Variants in DPP4 observed in about 807,000 individuals in gnomAD.
DPP4 encodes ADCP-2.
A neutral mutation model predicts 122.4 loss-of-function variants in DPP4; 93 were observed. The observed-to-expected ratio is 0.76, with a 90% CI of 0.64 to 0.90. The LOEUF is 0.90. DPP4 is among the 40% of genes least tolerant of loss of function. The pLI, the probability that DPP4 is intolerant of heterozygous loss-of-function variation, is 0.00. For synonymous variants in DPP4, 321 were observed against 302.9 expected, an observed-to-expected ratio of 1.06 and a Z score of -0.62; for missense variants, 914 against 907.3, an observed-to-expected ratio of 1.01 and a Z score of -0.09.
chr2:162,016,743 A>G (rs1682940849), intron 18 of DPP4, 25 bp downstream of exon 18: 3 of 1,543,298 alleles, frequency 1.9e-6, no homozygotes, highest in African/African-American at 1.4e-5. Context: ...CATGAAAAGT[A>G]CTATTCCAAA....
chr2:162,008,925 G>T, intron 21 of DPP4, among the ~76,000 whole-genome samples: 1 of 152,092 alleles, frequency 6.6e-6, no homozygotes, highest in East Asian at 1.9e-4. Flanking sequence ...ACCAATTATA[G>T]AAGATTTAAA....
chr2:162,073,456 C>G lies in DPP4; in HGVS notation c.37G>C (p.Gly13Arg). The part of the protein sequence containing the change: ...TPWKVLLGLL[G>R]AAALVTIITV... ...ATGATGGTGACAAGCGCAGCAGCACCCAGCAGTCCCAGAAGAACCTTCCAC... is the reference window on the plus strand; with the variant it reads ...ATGATGGTGACAAGCGCAGCAGCACGCAGCAGTCCCAGAAGAACCTTCCAC... The change falls in exon 2 of 26, where the codon GGT becomes CGT. Residue 13 changes from glycine to arginine, a missense_variant. Transcript: ENST00000360534. The G allele has an allele frequency of 6.2e-7, 1 of 1,614,082 alleles. No individual in the cohort carries two copies. The highest frequency in any genetic ancestry group is 8.5e-7 in the Non-Finnish European group (1 of 1,180,020).
intron 2 of DPP4, among the ~76,000 whole-genome samples, chr2:162,059,498 T>C (rs975437244): frequency 1.3e-5 from 2 of 152,220 alleles, no homozygotes; most frequent in African/African-American, 4.8e-5. Flanking sequence ...CTAGTTTCTC[T>C]TCACATATAC....
chr2:162,056,172 C>G (rs950047497), intron 2 of DPP4, among the ~76,000 whole-genome samples: 12 of 152,200 alleles, frequency 7.9e-5, no homozygotes, highest in African/African-American at 2.9e-4. Context: ...TTTCCCTTAG[C>G]AATGATACCA....
At position 162,020,629 on chromosome 2, in the gene DPP4, G is replaced by A. The variant is rs199672034; in HGVS notation, c.1128C>T (p.Ser376=). ...LDGNSFYKII[S]NEEGYRHICY... Reference sequence around the variant, plus strand: ...AAATGTGTCTGTAACCTTCTTCATTGCTGATGATCTTGTAGAAGCTATTAC... The same window carrying A: ...AAATGTGTCTGTAACCTTCTTCATTACTGATGATCTTGTAGAAGCTATTAC... Residue 376 remains serine (S), a synonymous_variant, in exon 13 of 26, where the codon AGC becomes AGT. Coordinates refer to ENST00000360534, the MANE Select transcript of DPP4 (RefSeq NM_001935.4). 8.7e-5 allele frequency: 140 copies of A among 1,612,528 alleles called. No homozygotes were observed. In the African/African-American group the frequency reaches 1.8e-3, roughly 21 times the overall value.
At chr2:162,073,694 C>T (rs1434531416) in intron 1 of DPP4, 7 of 660,232 alleles carry the variant, frequency 1.1e-5, no homozygotes, top group Non-Finnish European at 1.8e-5. Context: ...GCCTTCAGAG[C>T]ACATTAGCGT....
chr2:162,061,311 G>A (rs1684763832), intron 2 of DPP4, among the ~76,000 whole-genome samples: 1 of 152,162 alleles, frequency 6.6e-6, no homozygotes, highest in Non-Finnish European at 1.5e-5. Context: ...GCATCCCCAA[G>A]CCATCTGGAC....
At chr2:162,015,528 G>T (rs769503013) in intron 18 of DPP4, among the ~76,000 whole-genome samples, 9 of 152,158 alleles carry the variant, frequency 5.9e-5, no homozygotes, top group Non-Finnish European at 2.9e-5. Flanking sequence ...GGCATTAGTT[G>T]ATGGGAAGGT....
chr2:162,029,723 C>A (rs139799564), intron 10 of DPP4, among the ~76,000 whole-genome samples: 1 of 152,170 alleles, frequency 6.6e-6, no homozygotes. Context: ...ATGTCATGAG[C>A]TGGGTGTGAT....
At chr2:162,034,314 T>A (rs1683687492) in intron 9 of DPP4, among the ~76,000 whole-genome samples, 2 of 152,198 alleles carry the variant, frequency 1.3e-5, no homozygotes, top group Admixed American at 1.3e-4. Flanking sequence ...GTTTTTTTTG[T>A]ATGTGCCAGT....
intron 10 of DPP4, among the ~76,000 whole-genome samples, chr2:162,032,691 A>AAAC (rs201670443): frequency 1.3e-5 from 2 of 150,408 alleles, no homozygotes; most frequent in African/African-American, 4.9e-5. Context: ...AAAAACAAAC[A>AAAC]AACAACAACA....
Position 162,008,619 on chromosome 2 carries a change from T to C in DPP4, c.1930A>G (p.Ser644Gly). The change falls in exon 22 of 26, where the codon AGT (serine) becomes GGT (glycine). Residue 644 changes from serine to glycine, a missense_variant. By Grantham distance (56) the Ser-to-Gly change is moderately conservative. Coordinates refer to ENST00000360534, the MANE Select transcript of DPP4 (RefSeq NM_001935.4). ...YVTSMVLGSG[S>G]GVFKCGIAVA... ...GCTATTCCACACTTGAACACGCCAC[T>C]TCCCGATCCCAGGACCATTGAGGTT... 6.2e-7 allele frequency: 1 copy of C among 1,613,606 alleles called. No individual in the cohort carries two copies. Among genetic ancestry groups the C allele is most frequent in the Non-Finnish European group, 8.5e-7 (1 of 1,179,710 alleles).
intron 19 of DPP4, 63 bp from the exon 20 acceptor site, chr2:162,012,050 A>G: frequency 2.0e-6 from 3 of 1,519,488 alleles, no homozygotes; most frequent in Non-Finnish European, 2.7e-6. Context: ...GAATGCTTAC[A>G]TTTCTCTTCT....
intron 4 of DPP4, 118 bp from the exon 5 acceptor site, chr2:162,045,730 A>G: frequency 1.4e-6 from 1 of 689,962 alleles, no homozygotes; most frequent in Non-Finnish European, 2.5e-6. Context: ...GGAAGTCCTA[A>G]TCTAGCAGAG....
chr2:162,061,732 C>T (rs1195756378), intron 2 of DPP4, among the ~76,000 whole-genome samples: 5 of 152,160 alleles, frequency 3.3e-5, no homozygotes, highest in Non-Finnish European at 7.4e-5. Context: ...CTTTAATTCA[C>T]CAAATATTTA....
intron 2 of DPP4, among the ~76,000 whole-genome samples, chr2:162,069,713 C>T (rs1395297263): frequency 1.3e-5 from 2 of 152,110 alleles, no homozygotes; most frequent in Non-Finnish European, 2.9e-5. Flanking sequence ...TTCATTCAGG[C>T]GCATTTCTGT....
intron 2 of DPP4, among the ~76,000 whole-genome samples, chr2:162,072,536 A>G (rs1051315272): frequency 6.6e-6 from 1 of 152,232 alleles, no homozygotes; most frequent in Non-Finnish European, 1.5e-5. Flanking sequence ...AGCACTGACT[A>G]TACATTCCTC....
intron 8 of DPP4, 60 bp downstream of exon 8, chr2:162,038,242 C>A: frequency 7.0e-7 from 1 of 1,431,914 alleles, no homozygotes. Context: ...GCAAAAGAAA[C>A]ATTTAACTAT....
intron 10 of DPP4, among the ~76,000 whole-genome samples, chr2:162,031,207 C>T (rs1252767768): frequency 6.6e-6 from 1 of 152,218 alleles, no homozygotes; most frequent in Admixed American, 6.5e-5. Flanking sequence ...CTTTACCTCT[C>T]TGAGCCTCGG....
Sources: gnomAD v4.1 joint callset for allele counts (sites outside exome capture counted in the v4.1 genomes callset) on GRCh38, gnomAD v4.1.1 for gene constraint, MANE v1.5 for transcripts, NCBI Gene and HGNC (gene_info 2026-07-23, HGNC 2026-07-21) for gene names.